NYAP2: variants seen among roughly 807,000 people sequenced by gnomAD.
NYAP2 encodes the protein neuronal tyrosine-phosphorylated phosphoinositide-3-kinase adapter 2.
NYAP2 carries 23 observed loss-of-function variants against 50.4 expected under a neutral mutation model. The ratio of observed to expected loss-of-function variants is 0.46; its 90% CI spans 0.33 to 0.65. The LOEUF (loss-of-function observed/expected upper bound fraction) is 0.65, where lower values mean the gene tolerates loss of function less well. Among genes scored for constraint, NYAP2 ranks in the 30% least tolerant of loss-of-function variants. NYAP2 has a pLI of 0.02. For missense variants in NYAP2, 885 were observed against 861.0 expected (o/e 1.03, Z -0.35); for synonymous variants, 394 against 365.2 (o/e 1.08, Z -0.90).
At chr2:225,671,291 G>A in the NYAP2 span, among the ~76,000 whole-genome samples, 8 of 151,998 alleles carry the variant, frequency 5.3e-5, no homozygotes, top group African/African-American at 7.2e-5. Flanking sequence ...TATCAACTAA[G>A]CTTATGTGAT....
In NYAP2 at chr2:225,566,485, C is replaced by T. The variant is rs540124354; in HGVS notation, c.524-15456C>T. On this transcript the variant is annotated intron_variant, in intron 4 of 6. Coordinates refer to ENST00000636099, the Ensembl canonical transcript of NYAP2. ...CAGGAGAAATGTTCCAATCATTAAT[C>T]GGATTTTTCTCCCAACTTACTTTTC... Among the ~76,000 whole-genome samples, 21 of 152,310 alleles carry T rather than the reference C, an allele frequency of 1.4e-4. No homozygotes were observed. The East Asian group carries it at 3.9e-3, about 28-fold the overall frequency.
intron 3 of NYAP2, among the ~76,000 whole-genome samples, chr2:225,411,276 G>T (rs1574600586): frequency 6.6e-6 from 1 of 152,100 alleles, no homozygotes; most frequent in Non-Finnish European, 1.5e-5. Flanking sequence ...CAAGAGAAAA[G>T]AATTAATTAG....
intron 5 of NYAP2, among the ~76,000 whole-genome samples, chr2:225,618,160 C>T (rs529045116): frequency 6.6e-6 from 1 of 152,132 alleles, no homozygotes; most frequent in Non-Finnish European, 1.5e-5. Flanking sequence ...CTCATAGGTA[C>T]CCCCAGCAGC....
At chr2:225,573,918 A>T (rs1322804741) in intron 4 of NYAP2, among the ~76,000 whole-genome samples, 1 of 152,156 alleles carries the variant, frequency 6.6e-6, no homozygotes, top group Admixed American at 6.5e-5. Context: ...CAGGAGAGGG[A>T]GATAGATCTT....
chr2:225,530,072 G>A (rs376444526), intron 4 of NYAP2, among the ~76,000 whole-genome samples: 12 of 152,082 alleles, frequency 7.9e-5, no homozygotes, highest in East Asian at 7.7e-4. Context: ...AATATAAAGC[G>A]TTTGGTACTG....
rs1209103619 is a variant in NYAP2, at chr2:225,582,964, G to GC, written c.1549dup (p.Leu517ProfsTer96). 1 of 1,612,446 alleles carries GC rather than the reference G, an allele frequency of 6.2e-7. No homozygotes were observed. Among genetic ancestry groups the GC allele is most frequent in the Non-Finnish European group, 8.5e-7 (1 of 1,179,734 alleles). The stretch of plus-strand genomic sequence containing the variant: ...ACGAGCCCGCTGGAGGAGCTGACCA[G>GC]CCTCTTCTCCTCCGGCCGCAGCCTG... On this transcript the variant is annotated frameshift_variant, in exon 5 of 7. Coordinates refer to ENST00000636099, the Ensembl canonical transcript of NYAP2. LOFTEE classifies it high-confidence loss of function. The surrounding 1 kb of genome is among the most constrained non-coding windows in gnomAD (Gnocchi z 7.0).
chr2:225,509,799 A>C (rs959513038), intron 3 of NYAP2, among the ~76,000 whole-genome samples: 3 of 152,204 alleles, frequency 2.0e-5, no homozygotes, highest in Non-Finnish European at 2.9e-5. Flanking sequence ...CCTCATGGCA[A>C]GTGCTCTCTT....
the NYAP2 span, among the ~76,000 whole-genome samples, chr2:225,673,533 A>G: frequency 6.6e-6 from 1 of 152,266 alleles, no homozygotes; most frequent in Non-Finnish European, 1.5e-5. Flanking sequence ...TTATGTAACA[A>G]TTTCTTTAGA....
At chr2:225,510,043 G>T (rs1378152022) in intron 3 of NYAP2, among the ~76,000 whole-genome samples, 6 of 152,244 alleles carry the variant, frequency 3.9e-5, no homozygotes, top group Admixed American at 2.0e-4. Context: ...TAAGTTAGTT[G>T]GTGTTTTTCC....
At chr2:225,536,176 G>T (rs1691346722) in intron 4 of NYAP2, among the ~76,000 whole-genome samples, 1 of 152,082 alleles carries the variant, frequency 6.6e-6, no homozygotes, top group South Asian at 2.1e-4. Context: ...TGGGATAAAG[G>T]CTACCCCTCA....
At chr2:225,576,572 T>C (rs1692173188) in intron 4 of NYAP2, among the ~76,000 whole-genome samples, 1 of 152,208 alleles carries the variant, frequency 6.6e-6, no homozygotes. Flanking sequence ...AATCAGCCAG[T>C]TCCAGTATCA....
rs61738635 is a variant in NYAP2, at chr2:225,513,647, C to T, written c.498C>T (p.Ser166=). Residue 166 remains serine, a synonymous_variant, in exon 4 of 7, where the codon AGC becomes AGT. Coordinates refer to ENST00000636099, the Ensembl canonical transcript of NYAP2. ...TCAGCAGCACTGCAGCCAGTAAGAG[C>T]GGGAAAACCCCTGAGAGGACTGAAG... 1,986 of 1,519,136 alleles carry T rather than the reference C, an allele frequency of 1.3e-3. 17 individuals carry two copies. In the African/African-American group the frequency reaches 0.021, roughly 16 times the overall value. The allele number at this position is 1,519,136 out of a possible 1,614,324, so 94.1% of individuals were successfully genotyped here. A position where few individuals can be genotyped will look rare whatever the true frequency, so the allele number is the denominator to read the frequency against.
At chr2:225,632,651 G>T (rs1016694766) in intron 6 of NYAP2, among the ~76,000 whole-genome samples, 1 of 152,202 alleles carries the variant, frequency 6.6e-6, no homozygotes. Flanking sequence ...CTTGAAGGCA[G>T]TGGAGAACTG....
At chr2:225,670,151 A>G in the NYAP2 span, among the ~76,000 whole-genome samples, 75 of 152,294 alleles carry the variant, frequency 4.9e-4, no homozygotes, top group Non-Finnish European at 9.0e-4. Flanking sequence ...CAATCTTGCT[A>G]TGGTTCTGTA....
the NYAP2 span, among the ~76,000 whole-genome samples, chr2:225,679,018 AG>A: frequency 1.3e-5 from 2 of 152,160 alleles, no homozygotes; most frequent in Non-Finnish European, 2.9e-5. Flanking sequence ...CAATCCTCAA[AG>A]GACAATGAAT....
chr2:225,448,003 A>G (rs1409767484), intron 3 of NYAP2, among the ~76,000 whole-genome samples: 3 of 152,150 alleles, frequency 2.0e-5, no homozygotes, highest in South Asian at 4.1e-4. Context: ...GGAAGATTGA[A>G]CTTGCAGTGA....
chr2:225,500,553 T>C (rs1690587346), intron 3 of NYAP2, among the ~76,000 whole-genome samples: 1 of 151,222 alleles, frequency 6.6e-6, no homozygotes, highest in South Asian at 2.1e-4. Context: ...TATTTTCAAT[T>C]TTCAGGTACT....
At chr2:225,450,219 T>C (rs1689628691) in intron 3 of NYAP2, among the ~76,000 whole-genome samples, 3 of 152,104 alleles carry the variant, frequency 2.0e-5, no homozygotes, top group Non-Finnish European at 4.4e-5. Context: ...GACTGGAGTG[T>C]GTGAGGGTGT....
chr2:225,427,486 G>A (rs1170352445), intron 3 of NYAP2, among the ~76,000 whole-genome samples: 2 of 152,176 alleles, frequency 1.3e-5, no homozygotes, highest in East Asian at 3.8e-4. Flanking sequence ...TCCAGCCGTA[G>A]AGAATGTGTA....
Sources: allele counts gnomAD v4.1 joint callset (sites outside exome capture counted in the v4.1 genomes callset), GRCh38; gene constraint gnomAD v4.1.1; non-coding constraint Gnocchi (gnomAD v3.1); transcripts MANE v1.5; gene names NCBI Gene and HGNC (gene_info 2026-07-23, HGNC 2026-07-21).